Variants in ADAMTS19 observed in about 807,000 individuals in gnomAD.
ADAMTS19 encodes A disintegrin and metalloproteinase with thrombospondin motifs 19.
A neutral mutation model predicts 153.3 loss-of-function variants in ADAMTS19; 93 were observed. The observed-to-expected ratio is 0.61, with a 90% CI of 0.51 to 0.72. The LOEUF (loss-of-function observed/expected upper bound fraction) is 0.72. Ranked by LOEUF, ADAMTS19 falls within the 30% of genes least tolerant of loss-of-function variation. The pLI is 0.00. For synonymous variants in ADAMTS19, 600 were observed against 556.6 expected (o/e 1.08, Z -1.10); for missense variants, 1,482 against 1,552.1 (o/e 0.95, Z 0.76).
In ADAMTS19 at chr5:129,648,990, C is replaced by T; in HGVS notation, c.2176+20C>T. 1 of 1,547,808 alleles carries T rather than the reference C, an allele frequency of 6.5e-7. No individual in the cohort carries two copies. Among genetic ancestry groups the T allele is most frequent in the South Asian group, 1.2e-5 (1 of 80,178 alleles). On this transcript the variant is annotated intron_variant, in intron 13 of 22. Transcript: ENST00000274487. ...ATGAAGGTATGACCAACCAGATCAC[C>T]ACCATCTTTGTTAACTAGATTTCTA...
intron 7 of ADAMTS19, among the ~76,000 whole-genome samples, chr5:129,565,011 C>A (rs1307177122): frequency 1.3e-5 from 2 of 152,062 alleles, no homozygotes; most frequent in African/African-American, 4.8e-5. Flanking sequence ...AGTTGGGATG[C>A]CCTAGGCAAA....
intron 2 of ADAMTS19, among the ~76,000 whole-genome samples, chr5:129,463,019 A>G (rs1002417084): frequency 2.0e-5 from 3 of 152,236 alleles, no homozygotes; most frequent in Non-Finnish European, 1.5e-5. Flanking sequence ...AATGATGAAT[A>G]TTCAAATACG....
In ADAMTS19 at chr5:129,622,495, T is replaced by C. The variant is rs1018667486; in HGVS notation, c.1770+147T>C. ...TTTTCTAAGAAAAGGTTTGTGCATT[T>C]TTTTCTTATACTTTGGAAGCGATAG... On this transcript the variant is annotated intron_variant, in intron 10 of 22. Coordinates refer to ENST00000274487, the MANE Select transcript of ADAMTS19 (RefSeq NM_133638.6). 12 of 916,840 alleles carry C rather than the reference T, an allele frequency of 1.3e-5. No homozygotes were observed. The African/African-American group carries it at 1.9e-4, about 14-fold the overall frequency. 56.8% of individuals were successfully genotyped at this position (916,840 alleles called of 1,614,324 possible). A position where few individuals can be genotyped will look rare whatever the true frequency, so the allele number is the denominator to read the frequency against.
chr5:129,557,003 AAGTTAATGTTGCCTCCATCATTTAG>A (rs1753337174), intron 7 of ADAMTS19, among the ~76,000 whole-genome samples: 1 of 152,188 alleles, frequency 6.6e-6, no homozygotes. Context: ...AACACTTTCT[AAGTTAATGTTGCCTCCATCATTTAG>A]AGAAAGAATA....
intron 8 of ADAMTS19, among the ~76,000 whole-genome samples, chr5:129,600,408 G>C (rs1175742764): frequency 6.6e-6 from 1 of 151,822 alleles, no homozygotes; most frequent in East Asian, 1.9e-4. Context: ...ATGTAATTCT[G>C]CAACTTACAA....
rs1749635587 is a variant in ADAMTS19, at chr5:129,461,111, T to G, written c.101T>G (p.Phe34Cys). The G allele has an allele frequency of 1.4e-6, 2 of 1,417,596 alleles. No homozygotes were observed. Among genetic ancestry groups the G allele is most frequent in the Non-Finnish European group, 1.8e-6 (2 of 1,084,658 alleles). The allele number at this position is 1,417,596 out of a possible 1,614,324, so 87.8% of individuals were successfully genotyped here. A position where few individuals can be genotyped will look rare whatever the true frequency, so the allele number is the denominator to read the frequency against. Residue 34 changes from phenylalanine to cysteine, a missense_variant, in exon 2 of 23, where the codon TTC (phenylalanine) becomes TGC (cysteine). Around this residue, in one of 2 missense-constraint regions of ADAMTS19, gnomAD observed 866 missense variants for 827.7 expected, o/e 1.05. Transcript: ENST00000274487. The surrounding 1 kb of genome is among the most constrained non-coding windows in gnomAD (Gnocchi z 4.6). ...LSNGIVSELQ[F>C]APDREEWEVV... ...TCTGCCCCGCCCGCAGAGCTGCAGTTCGCCCCCGACCGCGAGGAGTGGGAA... is the reference window on the plus strand; with the variant it reads ...TCTGCCCCGCCCGCAGAGCTGCAGTGCGCCCCCGACCGCGAGGAGTGGGAA...
chr5:129,702,941 A>AAATATATATATATATATATATATATAT, intron 20 of ADAMTS19, among the ~76,000 whole-genome samples: 14 of 29,248 alleles, frequency 4.8e-4, no homozygotes, highest in Admixed American at 1.9e-3. Context: ...AAAAAAAAAA[A>AAATATATATATATATATATATATATAT]ATATATATAT....
At chr5:129,553,979 C>T (rs1753225268) in intron 7 of ADAMTS19, among the ~76,000 whole-genome samples, 1 of 152,000 alleles carries the variant, frequency 6.6e-6, no homozygotes, top group Non-Finnish European at 1.5e-5. Context: ...AGTAAAAATG[C>T]AGCGATAACA....
rs749627557 is a variant in ADAMTS19, at chr5:129,461,535, C to T, written c.525C>T (p.Ile175=). Residue 175 remains isoleucine (I), a synonymous_variant, in exon 2 of 23, where the codon ATC becomes ATT. Coordinates refer to ENST00000274487, the MANE Select transcript of ADAMTS19 (RefSeq NM_133638.6). The surrounding 1 kb of genome is among the most constrained non-coding windows in gnomAD (Gnocchi z 4.6). ...EPDGDEVLLR[I]PAFSRDLYLL... ...ATGGCGACGAAGTGTTGCTGCGGAT[C>T]CCGGCCTTCTCTCGGGACCTGTACC... The T allele has an allele frequency of 6.5e-6, 10 of 1,530,988 alleles. No homozygotes were observed. The highest frequency in any genetic ancestry group is 1.4e-5 in the African/African-American group (1 of 72,048). The allele number at this position is 1,530,988 out of a possible 1,614,324, so 94.8% of individuals were successfully genotyped here.
rs1329668664 is a variant in ADAMTS19 at position 129,471,449 on chromosome 5, A to AGG, written c.747+9692_747+9693insGG. Among the ~76,000 whole-genome samples the AGG allele has an allele frequency of 5.2e-4, 70 of 133,982 alleles. No homozygotes were observed. In the South Asian group the frequency reaches 0.016, roughly 30 times the overall value. The allele number at this position is 133,982 out of a possible 152,430, so 87.9% of individuals were successfully genotyped here. ...AAAAGAAAGGAAGGAAAGAAAGAAA[A>AGG]AGAAGGAAGGAAGGAAGGAAGGAAG... On this transcript the variant is annotated intron_variant, in intron 2 of 22. Transcript: ENST00000274487.
In ADAMTS19 at chr5:129,737,162, C is replaced by T. The variant is rs2127232181; in HGVS notation, c.3586C>T (p.Arg1196Cys). 3.7e-6 allele frequency: 6 copies of T among 1,611,086 alleles called. No homozygotes were observed. The highest frequency in any genetic ancestry group is 4.5e-5 in the East Asian group (2 of 44,804). The change falls in exon 23 of 23, where the codon CGC (arginine) becomes TGC (cysteine). Residue 1196 changes from arginine to cysteine, a missense_variant. Physicochemically the swap from Arg to Cys is radical, Grantham distance 180 (BLOSUM62 -3). This residue lies in a region of ADAMTS19 where 616 missense variants were observed against 724.4 expected (regional missense o/e 0.85). Coordinates refer to ENST00000274487, the MANE Select transcript of ADAMTS19 (RefSeq NM_133638.6). ...NLCQDMRWYQ[R>C]CCETCRDFYA... ...ATGTCAGGACATGCGGTGGTATCAG[C>T]GCTGCTGTGAAACATGCAGGGACTT...
chr5:129,696,868 G>A (rs933623891), intron 19 of ADAMTS19, among the ~76,000 whole-genome samples: 1 of 152,160 alleles, frequency 6.6e-6, no homozygotes, highest in African/African-American at 2.4e-5. Context: ...ATATTATGTA[G>A]ATGAAGTCTC....
intron 16 of ADAMTS19, among the ~76,000 whole-genome samples, chr5:129,672,370 A>G (rs1754340033): frequency 6.6e-6 from 1 of 152,138 alleles, no homozygotes; most frequent in Non-Finnish European, 1.5e-5. Flanking sequence ...AAATTAAAGA[A>G]CCCTTAGATA....
intron 2 of ADAMTS19, among the ~76,000 whole-genome samples, chr5:129,465,987 G>T (rs144222727): frequency 6.6e-6 from 1 of 152,166 alleles, no homozygotes; most frequent in Non-Finnish European, 1.5e-5. Context: ...CAGAAGTGCC[G>T]CTGTACATGC....
At chr5:129,482,657 T>C (rs543682718) in intron 2 of ADAMTS19, among the ~76,000 whole-genome samples, 1 of 152,302 alleles carries the variant, frequency 6.6e-6, no homozygotes, top group African/African-American at 2.4e-5. Context: ...TAAGCACTTG[T>C]TTATATCACA....
chr5:129,638,796 C>T lies in ADAMTS19; in HGVS notation c.1771-3063C>T, dbSNP rs549427555. 4.3e-4 allele frequency among the ~76,000 whole-genome samples: 66 copies of T among 152,170 alleles called. 1 individual carries two copies. The highest frequency in any genetic ancestry group is 1.5e-3 in the African/African-American group (63 of 41,524). ...TCAATGCATACGCAGTTAAAATTGT[C>T]TTATTTTAACATAAATTTCAGAACA... On this transcript the variant is annotated intron_variant, in intron 10 of 22. Coordinates refer to ENST00000274487, the MANE Select transcript of ADAMTS19 (RefSeq NM_133638.6).
chr5:129,589,851 A>G (rs1336187145), intron 7 of ADAMTS19, among the ~76,000 whole-genome samples: 1 of 152,092 alleles, frequency 6.6e-6, no homozygotes, highest in Non-Finnish European at 1.5e-5. Context: ...AAAGTGTCTT[A>G]TCATAGTCAT....
rs763653892 is a variant in ADAMTS19 at position 129,648,795 on chromosome 5, T to C, written c.2004-3T>C. 33 of 1,611,234 alleles carry C rather than the reference T, an allele frequency of 2.0e-5. No individual in the cohort carries two copies. The South Asian group carries it at 3.6e-4, about 17-fold the overall frequency. ...AATTGATTATTTGTACTTTCTTTTC[T>C]AGGCTAGATTCTGAAGCAAGGGATT... On this transcript the variant is annotated splice_region_variant and splice_polypyrimidine_tract_variant and intron_variant, in intron 12 of 22. Coordinates refer to ENST00000274487, the MANE Select transcript of ADAMTS19 (RefSeq NM_133638.6).
In ADAMTS19 at chr5:129,537,658, C is replaced by G. The variant is rs1486633228; in HGVS notation, c.1328+8981C>G. ...GGATGAAGCTGGAAACCATCATTCT[C>G]AGCAAACTATGGCAAGGACAAAAAA... is the stretch of plus-strand genomic sequence containing the variant. On this transcript the variant is annotated intron_variant, in intron 6 of 22. Transcript: ENST00000274487. Among the ~76,000 whole-genome samples, 3 of 152,076 alleles carry G rather than the reference C, an allele frequency of 2.0e-5. No homozygotes were observed. In the East Asian group the frequency reaches 5.8e-4, roughly 30 times the overall value.
Sources: gnomAD v4.1 joint callset for allele counts (sites outside exome capture counted in the v4.1 genomes callset) on GRCh38, gnomAD v4.1.1 for gene constraint, gnomAD v4.1.1 regional missense constraint, Gnocchi (gnomAD v3.1) non-coding constraint, MANE v1.5 for transcripts, NCBI Gene and HGNC (gene_info 2026-07-23, HGNC 2026-07-21) for gene names.